The following ANO4 variants were observed in gnomAD, a reference collection of about 807,000 sequenced individuals.
ANO4 encodes the protein anoctamin 4.
In ANO4, 69 loss-of-function variants were observed where a neutral mutation model predicts 141.9. The ratio of observed to expected loss-of-function variants is 0.49; its 90% CI spans 0.40 to 0.59. The LOEUF (loss-of-function observed/expected upper bound fraction) is 0.59, where lower values mean the gene tolerates loss of function less well. Ranked by LOEUF, ANO4 falls within the 20% of genes least tolerant of loss-of-function variation. The pLI, the probability that ANO4 is intolerant of heterozygous loss-of-function variation, is 0.00. For synonymous variants in ANO4, 350 were observed against 394.3 expected (o/e 0.89, Z 1.33); for missense variants, 894 against 1,162.2 (o/e 0.77, Z 3.36).
At chr12:100,795,609 C>T (rs548156763) in intron 1 of ANO4, among the ~76,000 whole-genome samples, 16 of 152,156 alleles carry the variant, frequency 1.1e-4, no homozygotes, top group East Asian at 9.6e-4. Context: ...AGCTGGCAGA[C>T]GGAGTAGACT....
At chr12:100,871,313 A>G (rs2135927367) in intron 1 of ANO4, among the ~76,000 whole-genome samples, 1 of 152,346 alleles carries the variant, frequency 6.6e-6, no homozygotes, top group Non-Finnish European at 1.5e-5. Context: ...CAAACTCTGT[A>G]TAAGATAAAT....
intron 3 of ANO4, among the ~76,000 whole-genome samples, chr12:100,765,757 AAAT>A (rs1346364999): frequency 7.3e-5 from 11 of 151,250 alleles, no homozygotes; most frequent in African/African-American, 2.2e-4. Context: ...TAGATTTTAT[AAAT>A]AATAATTATG....
At chr12:100,890,718 C>T (rs975184330) in intron 1 of ANO4, among the ~76,000 whole-genome samples, 2 of 152,132 alleles carry the variant, frequency 1.3e-5, no homozygotes, top group Non-Finnish European at 2.9e-5. Flanking sequence ...CCTACATGTG[C>T]ATAGCCTCCT....
chr12:100,811,491 G>T (rs2035432606), intron 1 of ANO4, among the ~76,000 whole-genome samples: 4 of 152,120 alleles, frequency 2.6e-5, no homozygotes, highest in Admixed American at 2.6e-4. Flanking sequence ...TGCCCCTTTT[G>T]TCAGACCCTG....
At chr12:100,861,939 T>C (rs1438632678) in intron 1 of ANO4, among the ~76,000 whole-genome samples, 1 of 152,174 alleles carries the variant, frequency 6.6e-6, no homozygotes, top group Non-Finnish European at 1.5e-5. Context: ...CTGTCTTCCA[T>C]CTCCACATCT....
intron 1 of ANO4, among the ~76,000 whole-genome samples, chr12:100,825,891 A>G (rs372914295): frequency 1.3e-5 from 2 of 152,080 alleles, no homozygotes; most frequent in African/African-American, 4.8e-5. Flanking sequence ...GTTATTATGT[A>G]TAATATGTTA....
intron 3 of ANO4, among the ~76,000 whole-genome samples, chr12:100,749,505 T>A (rs1728764065): frequency 6.6e-6 from 1 of 152,236 alleles, no homozygotes; most frequent in Non-Finnish European, 1.5e-5. Context: ...ACATTTCTTG[T>A]TGTTTAATTA....
In ANO4 at chr12:100,849,524, T is replaced by C. The variant is rs146657830; in HGVS notation, c.-140-52122T>C. Among the ~76,000 whole-genome samples the C allele has an allele frequency of 1.0e-3, 159 of 151,558 alleles. 4 individuals are homozygous for C. The East Asian group carries it at 0.027, about 26-fold the overall frequency. On this transcript the variant is annotated intron_variant, in intron 1 of 27. Transcript: ENST00000392977. The stretch of plus-strand genomic sequence containing the variant: ...GTCTGTTTGCTTTTTTACTTACTGG[T>C]TTGTCTTACTGGCAAACATCTATAT...
chr12:100,794,890 G>A lies in ANO4; in HGVS notation c.-278G>A, dbSNP rs1449335569. On this transcript the variant is annotated 5_prime_UTR_variant, in exon 1 of 28. Coordinates refer to ENST00000392977, the MANE Select transcript of ANO4 (RefSeq NM_001286615.2). ...GGCTGAAAAGGACTTGTGTGTGGTG[G>A]TTTTATTGCCTGTCATCACTTTGCT... The A allele has an allele frequency of 1.3e-5, 2 of 152,754 alleles. No individual in the cohort carries two copies. The highest frequency in any genetic ancestry group is 4.8e-5 in the African/African-American group (2 of 41,454). 9.5% of individuals were successfully genotyped at this position (152,754 alleles called of 1,614,324 possible).
chr12:100,836,750 G>A (rs2036945695), intron 1 of ANO4, among the ~76,000 whole-genome samples: 1 of 152,100 alleles, frequency 6.6e-6, no homozygotes, highest in Non-Finnish European at 1.5e-5. Flanking sequence ...GATGACCCAA[G>A]GTCTAGGAGT....
intron 8 of ANO4, among the ~76,000 whole-genome samples, chr12:100,994,628 A>G (rs991668428): frequency 6.6e-6 from 1 of 152,178 alleles, no homozygotes; most frequent in African/African-American, 2.4e-5. Context: ...TATTTTTGTA[A>G]ACACCCATAA....
intron 14 of ANO4, among the ~76,000 whole-genome samples, chr12:101,057,954 T>C (rs1416056324): frequency 6.6e-6 from 1 of 152,206 alleles, no homozygotes; most frequent in African/African-American, 2.4e-5. Context: ...ATGTCCTGAA[T>C]GGTATTGCCT....
intron 2 of ANO4, among the ~76,000 whole-genome samples, chr12:100,903,902 T>G (rs1171591541): frequency 6.6e-6 from 1 of 152,228 alleles, no homozygotes; most frequent in Non-Finnish European, 1.5e-5. Flanking sequence ...GTTCATCAAA[T>G]AGACCATCGC....
intron 5 of ANO4, among the ~76,000 whole-genome samples, chr12:100,955,388 C>A (rs1475300819): frequency 6.6e-6 from 1 of 152,202 alleles, no homozygotes; most frequent in African/African-American, 2.4e-5. Context: ...GGGTTGTGGG[C>A]TGTGGGCCTC....
intron 5 of ANO4, among the ~76,000 whole-genome samples, chr12:100,965,868 A>G (rs2043630544): frequency 6.6e-6 from 1 of 152,078 alleles, no homozygotes; most frequent in African/African-American, 2.4e-5. Context: ...ATAATTTTAC[A>G]TCATGCTTAT....
intron 3 of ANO4, among the ~76,000 whole-genome samples, chr12:100,750,560 C>G (rs1369992750): frequency 6.6e-6 from 1 of 152,106 alleles, no homozygotes; most frequent in East Asian, 1.9e-4. Context: ...TTTGTGGTCA[C>G]TAACAGGCAG....
At chr12:100,729,014 G>A (rs1431677508) in intron 1 of ANO4, among the ~76,000 whole-genome samples, 2 of 149,792 alleles carry the variant, frequency 1.3e-5, no homozygotes, top group Non-Finnish European at 3.0e-5. Context: ...GAACCACCAC[G>A]CTGACTTTTG....
chr12:101,049,338 C>G (rs1168857996), intron 14 of ANO4, among the ~76,000 whole-genome samples: 1 of 152,168 alleles, frequency 6.6e-6, no homozygotes, highest in Non-Finnish European at 1.5e-5. Context: ...GCTGAAATGT[C>G]ATCTGCTCCA....
intron 3 of ANO4, among the ~76,000 whole-genome samples, chr12:100,781,275 G>A (rs1020520725): frequency 6.6e-6 from 1 of 152,068 alleles, no homozygotes; most frequent in South Asian, 2.1e-4. Context: ...GTATTGGAGC[G>A]CTCCCTGGCT....
Sources: gnomAD v4.1 joint callset for allele counts (sites outside exome capture counted in the v4.1 genomes callset) on GRCh38, gnomAD v4.1.1 for gene constraint, MANE v1.5 for transcripts, NCBI Gene and HGNC (gene_info 2026-07-23, HGNC 2026-07-21) for gene names.